The following GULP1 variants were observed in gnomAD, a reference collection of about 807,000 sequenced individuals.
The protein encoded by GULP1 is GULP PTB domain containing engulfment adaptor 1, also known as PTB domain-containing engulfment adapter protein 1.
A neutral mutation model predicts 40.9 loss-of-function variants in GULP1; 19 were observed. The ratio of observed to expected loss-of-function variants is 0.46; its 90% CI spans 0.32 to 0.68. The LOEUF is 0.68. Among genes scored for constraint, GULP1 ranks in the 30% least tolerant of loss-of-function variants. The pLI is 0.03. For missense variants in GULP1, 312 were observed against 362.2 expected, an observed-to-expected ratio of 0.86 and a Z score of 1.12; for synonymous variants, 119 against 117.6, an observed-to-expected ratio of 1.01 and a Z score of -0.08.
intron 2 of GULP1, among the ~76,000 whole-genome samples, chr2:188,457,825 C>T (rs780507585): frequency 6.6e-6 from 1 of 152,172 alleles, no homozygotes; most frequent in Non-Finnish European, 1.5e-5. Context: ...ACAAACCCCC[C>T]ACACATGCAT....
At chr2:188,579,707 C>T (rs548059314) in intron 9 of GULP1, among the ~76,000 whole-genome samples, 2 of 152,148 alleles carry the variant, frequency 1.3e-5, no homozygotes, top group South Asian at 4.2e-4. Context: ...TTGAAAAAAC[C>T]TCTTAATTGT....
intron 1 of GULP1, among the ~76,000 whole-genome samples, chr2:188,322,424 A>G (rs1227407040): frequency 5.3e-5 from 8 of 152,094 alleles, no homozygotes; most frequent in Non-Finnish European, 1.2e-4. Context: ...AATACCTTAG[A>G]GAAAAAGAGA....
chr2:188,450,153 C>T (rs989671015), intron 2 of GULP1, among the ~76,000 whole-genome samples: 1 of 152,080 alleles, frequency 6.6e-6, no homozygotes, highest in African/African-American at 2.4e-5. Context: ...AAGAAAGATA[C>T]TTTAGTGATC....
intron 4 of GULP1, among the ~76,000 whole-genome samples, chr2:188,512,504 T>C (rs905387681): frequency 7.9e-5 from 12 of 152,096 alleles, no homozygotes; most frequent in African/African-American, 2.9e-4. Context: ...ACTGTCAAAT[T>C]TCATAGCAGT....
chr2:188,342,200 C>T lies in GULP1; in HGVS notation c.-171-41563C>T, dbSNP rs564899691. ...TTTATTCTCTCACAGTTCTGGAGGCCGGAAGTTCAAAATCAGTGGTTGGGT... is the reference window on the plus strand; with the variant it reads ...TTTATTCTCTCACAGTTCTGGAGGCTGGAAGTTCAAAATCAGTGGTTGGGT... On this transcript the variant is annotated intron_variant, in intron 1 of 11. Transcript: ENST00000409830. Among the ~76,000 whole-genome samples the T allele has an allele frequency of 5.7e-4, 86 of 152,186 alleles. 1 individual carries two copies. The highest frequency in any genetic ancestry group is 1.3e-3 in the African/African-American group (55 of 41,516).
chr2:188,534,832 G>T (rs890543252), intron 6 of GULP1, among the ~76,000 whole-genome samples: 3 of 151,912 alleles, frequency 2.0e-5, no homozygotes, highest in Non-Finnish European at 2.9e-5. Flanking sequence ...TATCAAATCT[G>T]CATGCTTCTC....
intron 7 of GULP1, among the ~76,000 whole-genome samples, chr2:188,560,028 C>G (rs895203711): frequency 2.0e-5 from 3 of 152,140 alleles, no homozygotes; most frequent in African/African-American, 7.2e-5. Flanking sequence ...CGTATTAAAC[C>G]TCTTTTTCTT....
intron 1 of GULP1, among the ~76,000 whole-genome samples, chr2:188,298,882 G>T (rs1381719061): frequency 6.6e-6 from 1 of 152,162 alleles, no homozygotes; most frequent in Non-Finnish European, 1.5e-5. Flanking sequence ...TCAGGCAAAA[G>T]TTTGCTCAGC....
intron 1 of GULP1, among the ~76,000 whole-genome samples, chr2:188,356,983 TGCTGG>T (rs2045413018): frequency 6.6e-6 from 1 of 152,166 alleles, no homozygotes; most frequent in African/African-American, 2.4e-5. Context: ...CAATAAATCA[TGCTGG>T]GAAAACAGGA....
chr2:188,576,039 C>A (rs1415274061), intron 9 of GULP1, among the ~76,000 whole-genome samples: 1 of 152,056 alleles, frequency 6.6e-6, no homozygotes, highest in Non-Finnish European at 1.5e-5. Context: ...AGGAATGTCC[C>A]TTCAGGTTTT....
chr2:188,314,744 A>G (rs574824999), intron 1 of GULP1, among the ~76,000 whole-genome samples: 1 of 152,288 alleles, frequency 6.6e-6, no homozygotes, highest in East Asian at 1.9e-4. Flanking sequence ...ACCTCCGGTC[A>G]ATTGTGGTTG....
At chr2:188,307,203 T>A (rs2106248918) in intron 1 of GULP1, among the ~76,000 whole-genome samples, 1 of 152,328 alleles carries the variant, frequency 6.6e-6, no homozygotes, top group African/African-American at 2.4e-5. Flanking sequence ...GCTGTTTTCA[T>A]TTTGATTAAC....
At chr2:188,386,172 C>T (rs1415155403) in intron 2 of GULP1, among the ~76,000 whole-genome samples, 1 of 152,144 alleles carries the variant, frequency 6.6e-6, no homozygotes, top group Non-Finnish European at 1.5e-5. Context: ...CTGGGGAGAC[C>T]TCACAACCAT....
intron 9 of GULP1, among the ~76,000 whole-genome samples, chr2:188,582,847 G>A (rs1042383757): frequency 3.9e-5 from 6 of 152,136 alleles, no homozygotes; most frequent in South Asian, 2.1e-4. Flanking sequence ...AGCAATTTCA[G>A]CAGAGTTCAG....
At chr2:188,475,094 G>T (rs1298924628) in intron 2 of GULP1, among the ~76,000 whole-genome samples, 1 of 152,078 alleles carries the variant, frequency 6.6e-6, no homozygotes, top group Non-Finnish European at 1.5e-5. Context: ...TATTATACAC[G>T]TTGGGGTACT....
intron 9 of GULP1, among the ~76,000 whole-genome samples, chr2:188,575,740 T>G (rs527613776): frequency 1.0e-5 from 1 of 95,870 alleles, no homozygotes; most frequent in Non-Finnish European, 2.3e-5. Context: ...TCACAGGCAA[T>G]GGCAAAGGAT....
intron 2 of GULP1, among the ~76,000 whole-genome samples, chr2:188,474,009 CT>C (rs758327021): frequency 2.0e-5 from 3 of 152,104 alleles, no homozygotes; most frequent in Non-Finnish European, 1.5e-5. Context: ...GCTACTAGTA[CT>C]GAGTTTTTCC....
Position 188,570,147 on chromosome 2 carries a change from C to T in GULP1, c.609+27C>T, listed in dbSNP as rs776083655. The T allele has an allele frequency of 6.4e-5, 59 of 927,618 alleles. No individual in the cohort carries two copies. The Admixed American group carries it at 1.3e-3, about 21-fold the overall frequency. 57.5% of individuals were successfully genotyped at this position (927,618 alleles called of 1,614,324 possible). A position where few individuals can be genotyped will look rare whatever the true frequency, so the allele number is the denominator to read the frequency against. ...TGAGTATATTGAATATCCTTAGAAA[C>T]AAGATTTTATGGTGATAAAACATCT... On this transcript the variant is annotated intron_variant, in intron 9 of 11. Transcript: ENST00000409830.
intron 5 of GULP1, among the ~76,000 whole-genome samples, chr2:188,528,752 A>T (rs1418936141): frequency 6.6e-6 from 1 of 152,176 alleles, no homozygotes; most frequent in Non-Finnish European, 1.5e-5. Flanking sequence ...GAAGATAATA[A>T]CAACAAAAGA....
Sources: allele counts gnomAD v4.1 joint callset (sites outside exome capture counted in the v4.1 genomes callset), GRCh38; gene constraint gnomAD v4.1.1; transcripts MANE v1.5; gene names NCBI Gene and HGNC (gene_info 2026-07-23, HGNC 2026-07-21).